POU6F2: variants seen among roughly 807,000 people sequenced by gnomAD.
POU6F2 encodes POU domain, class 6, transcription factor 2.
POU6F2 carries 31 observed loss-of-function variants against 71.3 expected under a neutral mutation model. The observed-to-expected ratio is 0.43, with a 90% confidence interval of 0.33 to 0.59. The LOEUF (loss-of-function observed/expected upper bound fraction) is 0.59, where lower values mean the gene tolerates loss of function less well. Ranked by LOEUF, POU6F2 falls within the 20% of genes least tolerant of loss-of-function variation. The pLI, the probability that POU6F2 is intolerant of heterozygous loss-of-function variation, is 0.04. For synonymous variants in POU6F2, 347 were observed against 355.7 expected (o/e 0.98, Z 0.27); for missense variants, 783 against 856.8 (o/e 0.91, Z 1.07).
intron 4 of POU6F2, among the ~76,000 whole-genome samples, chr7:39,311,317 C>G (rs1329522730): frequency 6.6e-6 from 1 of 151,982 alleles, no homozygotes; most frequent in Non-Finnish European, 1.5e-5. Flanking sequence ...GTCATATCAC[C>G]CCTCTGCTCA....
intron 4 of POU6F2, among the ~76,000 whole-genome samples, chr7:39,281,991 G>T (rs980050310): frequency 6.6e-6 from 1 of 151,936 alleles, no homozygotes; most frequent in Non-Finnish European, 1.5e-5. Context: ...ATTCTAATTG[G>T]GGTGAAGTGG....
intron 2 of POU6F2, among the ~76,000 whole-genome samples, chr7:39,194,424 G>C (rs2128743780): frequency 6.6e-6 from 1 of 152,324 alleles, no homozygotes; most frequent in African/African-American, 2.4e-5. Flanking sequence ...TGGGGACTTG[G>C]AGAAGTTTTC....
At chr7:39,421,252 C>T (rs1394797779) in intron 6 of POU6F2, among the ~76,000 whole-genome samples, 2 of 152,012 alleles carry the variant, frequency 1.3e-5, no homozygotes, top group Non-Finnish European at 2.9e-5. Flanking sequence ...AAATTACTAA[C>T]AGGAAATTGA....
intron 1 of POU6F2, among the ~76,000 whole-genome samples, chr7:38,981,200 C>T (rs552544379): frequency 6.6e-6 from 1 of 152,232 alleles, no homozygotes; most frequent in African/African-American, 2.4e-5. Context: ...AGTTTCTGAT[C>T]GTTGGTTTGA....
intron 4 of POU6F2, among the ~76,000 whole-genome samples, chr7:39,327,022 A>G (rs1234320502): frequency 2.0e-5 from 3 of 152,146 alleles, no homozygotes; most frequent in Admixed American, 6.5e-5. Context: ...GCTCACACCT[A>G]TAATCCCAGC....
At chr7:39,074,482 C>G (rs1247987410) in intron 1 of POU6F2, among the ~76,000 whole-genome samples, 3 of 150,072 alleles carry the variant, frequency 2.0e-5, no homozygotes, top group African/African-American at 7.3e-5. Flanking sequence ...TTGTCCCCCC[C>G]TCAAAAAAAA....
At chr7:39,011,964 C>T (rs1427342518) in intron 1 of POU6F2, among the ~76,000 whole-genome samples, 1 of 152,058 alleles carries the variant, frequency 6.6e-6, no homozygotes, top group Non-Finnish European at 1.5e-5. Flanking sequence ...ACATTTTTTC[C>T]TTCATTTCAA....
At chr7:39,420,807 A>C (rs1787832208) in intron 6 of POU6F2, among the ~76,000 whole-genome samples, 1 of 152,170 alleles carries the variant, frequency 6.6e-6, no homozygotes, top group Non-Finnish European at 1.5e-5. Flanking sequence ...GTTCCTGACA[A>C]GGCTGTACTT....
chr7:39,171,930 G>A (rs1040237611), intron 2 of POU6F2, among the ~76,000 whole-genome samples: 4 of 152,164 alleles, frequency 2.6e-5, no homozygotes, highest in African/African-American at 9.7e-5. Flanking sequence ...GGCAATTTTT[G>A]TGAATTGCTT....
chr7:39,317,248 A>T (rs1785285210), intron 4 of POU6F2, among the ~76,000 whole-genome samples: 1 of 152,068 alleles, frequency 6.6e-6, no homozygotes, highest in Non-Finnish European at 1.5e-5. Flanking sequence ...TGTAAAACTG[A>T]CTCCCCAGTC....
chr7:39,144,800 G>A (rs535764417), intron 2 of POU6F2, among the ~76,000 whole-genome samples: 38 of 152,210 alleles, frequency 2.5e-4, no homozygotes, highest in Non-Finnish European at 4.6e-4. Flanking sequence ...ATTGTCCAAG[G>A]GTATATTCTT....
chr7:39,424,228 G>A (rs1055587760), intron 6 of POU6F2, among the ~76,000 whole-genome samples: 2 of 152,260 alleles, frequency 1.3e-5, no homozygotes, highest in African/African-American at 4.8e-5. Context: ...GTTTCAACAT[G>A]TGAAGTTTGG....
At chr7:39,027,703 T>A (rs1181726334) in intron 1 of POU6F2, among the ~76,000 whole-genome samples, 2 of 152,202 alleles carry the variant, frequency 1.3e-5, no homozygotes, top group Admixed American at 6.5e-5. Context: ...TTTGCCAATG[T>A]TGCTAATCAA....
At chr7:39,411,998 C>A (rs563965841) in intron 6 of POU6F2, among the ~76,000 whole-genome samples, 1 of 152,226 alleles carries the variant, frequency 6.6e-6, no homozygotes, top group African/African-American at 2.4e-5. Context: ...AGATGTTGCT[C>A]TGGGTTGTAA....
intron 1 of POU6F2, among the ~76,000 whole-genome samples, chr7:39,080,473 C>G (rs1172129404): frequency 6.6e-6 from 1 of 152,172 alleles, no homozygotes; most frequent in South Asian, 2.1e-4. Context: ...TTGTTTCTAT[C>G]CTTTCTCCCA....
chr7:39,025,638 T>G, intron 1 of POU6F2, among the ~76,000 whole-genome samples: 1 of 151,710 alleles, frequency 6.6e-6, no homozygotes, highest in Non-Finnish European at 1.5e-5. Flanking sequence ...CCTAAAACCA[T>G]AAAAACCCTA....
chr7:39,099,643 C>T (rs1320954646), intron 2 of POU6F2, among the ~76,000 whole-genome samples: 6 of 152,152 alleles, frequency 3.9e-5, no homozygotes, highest in African/African-American at 1.4e-4. Context: ...CACCCTTGAC[C>T]TAGGCACAAG....
intron 4 of POU6F2, among the ~76,000 whole-genome samples, chr7:39,308,627 T>C (rs147928956): frequency 1.3e-3 from 194 of 152,318 alleles, no homozygotes; most frequent in African/African-American, 4.2e-3. Context: ...CAATAGGATT[T>C]AGGGTTTCCA....
chr7:39,291,264 T>C (rs767524706), intron 4 of POU6F2, among the ~76,000 whole-genome samples: 6 of 152,210 alleles, frequency 3.9e-5, no homozygotes, highest in Admixed American at 2.0e-4. Context: ...GAAAGTGAGA[T>C]TATTTGATAG....
Sources: gnomAD v4.1 joint callset for allele counts (sites outside exome capture counted in the v4.1 genomes callset) on GRCh38, gnomAD v4.1.1 for gene constraint, MANE v1.5 for transcripts, NCBI Gene and HGNC (gene_info 2026-07-23, HGNC 2026-07-21) for gene names.